The following ATP8B4 variants were observed in gnomAD, a reference collection of about 807,000 sequenced individuals.
The protein encoded by ATP8B4 is ATPase phospholipid transporting 8B4 (putative), also known as probable phospholipid-transporting ATPase IM.
In ATP8B4, 133 loss-of-function variants were observed where a neutral mutation model predicts 145.6. The ratio of observed to expected loss-of-function variants is 0.91; its 90% CI spans 0.79 to 1.05. ATP8B4 has a LOEUF of 1.05. ATP8B4 is among the 50% of genes least tolerant of loss of function. The pLI is 0.00. For synonymous variants in ATP8B4, 507 were observed against 492.9 expected (o/e 1.03, Z -0.38); for missense variants, 1,458 against 1,425.2 (o/e 1.02, Z -0.37).
At chr15:49,992,595 G>GT (rs1190268768) in intron 9 of ATP8B4, among the ~76,000 whole-genome samples, 1 of 152,160 alleles carries the variant, frequency 6.6e-6, no homozygotes, top group African/African-American at 2.4e-5. Flanking sequence ...GAAACCTGGA[G>GT]TCCCCAGTGG....
intron 11 of ATP8B4, 125 bp from the exon 12 acceptor site, chr15:49,979,938 T>A (rs768713742): frequency 1.7e-6 from 1 of 584,802 alleles, no homozygotes; most frequent in Non-Finnish European, 2.8e-6. Context: ...AAACCTCTTC[T>A]TACCATTAAT....
At chr15:50,006,510 A>G (rs2048317454) in intron 7 of ATP8B4, among the ~76,000 whole-genome samples, 1 of 150,342 alleles carries the variant, frequency 6.7e-6, no homozygotes, top group East Asian at 1.9e-4. Flanking sequence ...AAAAAAAAAA[A>G]GGCCTCTCTG....
At chr15:49,913,561 G>A (rs1037467756) in intron 20 of ATP8B4, among the ~76,000 whole-genome samples, 1 of 152,086 alleles carries the variant, frequency 6.6e-6, no homozygotes, top group Non-Finnish European at 1.5e-5. Flanking sequence ...CATCCAAATT[G>A]AAAAATAGAA....
chr15:49,877,200 A>G (rs2034584275), intron 24 of ATP8B4, among the ~76,000 whole-genome samples: 1 of 152,200 alleles, frequency 6.6e-6, no homozygotes, highest in Admixed American at 6.5e-5. Flanking sequence ...AAGAGAAACT[A>G]AATGCTTATC....
rs544587958 is a variant in ATP8B4, at chr15:49,960,147, G to A, written c.1287+1830C>T. ...GGTTCAAGCAAATCTCCTGCCTCAGGCTCCCAAGTAGCTGGGACTATAGGC... is the reference window on the plus strand; with the variant it reads ...GGTTCAAGCAAATCTCCTGCCTCAGACTCCCAAGTAGCTGGGACTATAGGC... On this transcript the variant is annotated intron_variant, in intron 14 of 27. Coordinates refer to ENST00000284509, the MANE Select transcript of ATP8B4 (RefSeq NM_024837.4). 4.0e-5 allele frequency among the ~76,000 whole-genome samples: 6 copies of A among 151,422 alleles called. No homozygotes were observed. In the East Asian group the frequency reaches 1.2e-3, roughly 29 times the overall value.
At chr15:50,093,097 C>A (rs1376220669) in intron 2 of ATP8B4, among the ~76,000 whole-genome samples, 1 of 151,730 alleles carries the variant, frequency 6.6e-6, no homozygotes, top group Non-Finnish European at 1.5e-5. Context: ...GAATTCTCCA[C>A]CCAGTGGAAA....
chr15:49,860,579 C>G (rs2031487938), intron 27 of ATP8B4, 104 bp from the exon 28 acceptor site: 3 of 1,317,384 alleles, frequency 2.3e-6, no homozygotes, highest in African/African-American at 3.0e-5. Context: ...TAAGTAAAAA[C>G]AACATTGCAA....
intron 6 of ATP8B4, among the ~76,000 whole-genome samples, chr15:50,025,251 A>G (rs1380177021): frequency 2.6e-5 from 4 of 152,200 alleles, no homozygotes; most frequent in Admixed American, 1.3e-4. Context: ...CTTCCCATGC[A>G]GCAGGTATGA....
At chr15:49,888,109 T>A (rs1033844167) in intron 23 of ATP8B4, among the ~76,000 whole-genome samples, 1 of 152,196 alleles carries the variant, frequency 6.6e-6, no homozygotes, top group African/African-American at 2.4e-5. Context: ...GTGCTCAGCC[T>A]CAGCACATCT....
chr15:50,037,362 A>G (rs1237799356), intron 6 of ATP8B4, among the ~76,000 whole-genome samples: 2 of 152,198 alleles, frequency 1.3e-5, no homozygotes, highest in African/African-American at 4.8e-5. Flanking sequence ...ACCCACAACC[A>G]CACATACTCT....
At chr15:49,977,294 T>C (rs2045751640) in intron 12 of ATP8B4, among the ~76,000 whole-genome samples, 1 of 152,124 alleles carries the variant, frequency 6.6e-6, no homozygotes, top group East Asian at 1.9e-4. Context: ...CCGAGAAACC[T>C]GAAATTCCTT....
At position 49,970,103 on chromosome 15, in the gene ATP8B4, G is replaced by A. The variant is rs1247572593; in HGVS notation, c.1243+2479C>T. Among the ~76,000 whole-genome samples the A allele has an allele frequency of 2.0e-5, 3 of 152,106 alleles. No homozygotes were observed. In the East Asian group the frequency reaches 5.8e-4, roughly 29 times the overall value. On this transcript the variant is annotated intron_variant, in intron 13 of 27. Transcript: ENST00000284509. Reference sequence around the variant, plus strand: ...ATGCTAAAAACTCTCAATAAACTAGGTATTGAGGGAATGTATCTCAAAATA... The same window carrying A: ...ATGCTAAAAACTCTCAATAAACTAGATATTGAGGGAATGTATCTCAAAATA...
intron 14 of ATP8B4, among the ~76,000 whole-genome samples, chr15:49,960,706 T>C (rs939896229): frequency 6.6e-6 from 1 of 152,142 alleles, no homozygotes; most frequent in Non-Finnish European, 1.5e-5. Flanking sequence ...AAAATAATCA[T>C]GGGACAAAGG....
intron 1 of ATP8B4, among the ~76,000 whole-genome samples, chr15:50,160,539 T>G (rs1257420899): frequency 6.6e-6 from 1 of 152,006 alleles, no homozygotes; most frequent in Non-Finnish European, 1.5e-5. Context: ...TTCTCGGTGC[T>G]GCTTTCACTG....
chr15:49,970,637 G>A (rs1300635866), intron 13 of ATP8B4, among the ~76,000 whole-genome samples: 1 of 152,018 alleles, frequency 6.6e-6, no homozygotes, highest in African/African-American at 2.4e-5. Context: ...ACAAACAATG[G>A]GAAAACATCC....
rs1567331562 is a variant in ATP8B4 at position 50,085,980 on chromosome 15, A to ATATATATATATATGAT, written c.29-11796_29-11795insATCATATATATATATA. Among the ~76,000 whole-genome samples, 27 of 20,628 alleles carry ATATATATATATATGAT rather than the reference A, an allele frequency of 1.3e-3. 5 individuals carry two copies. In the African/African-American group the frequency reaches 0.014, roughly 11 times the overall value. The allele number at this position is 20,628 out of a possible 152,430, so 13.5% of individuals were successfully genotyped here. A position where few individuals can be genotyped will look rare whatever the true frequency, so the allele number is the denominator to read the frequency against. On this transcript the variant is annotated intron_variant, in intron 2 of 27. Transcript: ENST00000284509. ...ATATATATTTATATATGATATATCAAATATATCATATATATTTATTATATA... is the reference window on the plus strand; with the variant it reads ...ATATATATTTATATATGATATATCAATATATATATATATGATATATATCATATATATTTATTATATA...
intron 23 of ATP8B4, 194 bp from the exon 24 acceptor site, chr15:49,879,653 C>T (rs2035073263): frequency 3.8e-6 from 2 of 531,360 alleles, no homozygotes; most frequent in Non-Finnish European, 6.7e-6. Context: ...CTCTAAACGG[C>T]AGTTTCTTTA....
At chr15:50,136,860 C>T (rs2044129978) in intron 1 of ATP8B4, among the ~76,000 whole-genome samples, 1 of 152,124 alleles carries the variant, frequency 6.6e-6, no homozygotes, top group South Asian at 2.1e-4. Flanking sequence ...ATGGTACTAC[C>T]TCATTAAGCT....
chr15:49,859,164 CAT>C lies in ATP8B4; in HGVS notation c.*1028_*1029del, dbSNP rs2031191680. The stretch of plus-strand genomic sequence containing the variant: ...CAACCTTACCTACATATGTTTACTA[CAT>C]GTTTGAATTATAAACATGACAGCTG... On this transcript the variant is annotated 3_prime_UTR_variant, in exon 28 of 28. Coordinates refer to ENST00000284509, the MANE Select transcript of ATP8B4 (RefSeq NM_024837.4). 1 of 152,202 alleles carries C rather than the reference CAT, an allele frequency of 6.6e-6. No homozygotes were observed. The highest frequency in any genetic ancestry group is 2.4e-5 in the African/African-American group (1 of 41,458). 9.4% of individuals were successfully genotyped at this position (152,202 alleles called of 1,614,324 possible). A position where few individuals can be genotyped will look rare whatever the true frequency, so the allele number is the denominator to read the frequency against.
Sources: allele counts gnomAD v4.1 joint callset (sites outside exome capture counted in the v4.1 genomes callset), GRCh38; gene constraint gnomAD v4.1.1; transcripts MANE v1.5; gene names NCBI Gene and HGNC (gene_info 2026-07-23, HGNC 2026-07-21).